Variants in SGCZ observed in about 807,000 individuals in gnomAD.
SGCZ encodes zeta-sarcoglycan.
SGCZ carries 40 observed loss-of-function variants against 41.3 expected under a neutral mutation model. The observed-to-expected ratio is 0.97, with a 90% CI of 0.75 to 1.26. The LOEUF (loss-of-function observed/expected upper bound fraction) is 1.26. Among genes scored for constraint, SGCZ ranks in the 50% most tolerant of loss-of-function variants. The probability of loss-of-function intolerance (pLI) is 0.00; values close to 1 mark genes in which losing one functional copy is unlikely to be tolerated. For missense variants in SGCZ, 552 were observed against 369.8 expected (o/e 1.49, Z -4.04); for synonymous variants, 206 against 137.5 (o/e 1.50, Z -3.49).
intron 2 of SGCZ, among the ~76,000 whole-genome samples, chr8:14,340,609 C>T (rs1213477568): frequency 6.6e-6 from 1 of 151,970 alleles, no homozygotes; most frequent in African/African-American, 2.4e-5. Context: ...CAAACGTTCA[C>T]TGAGGTTGAA....
At chr8:14,093,742 T>C (rs892246063) in intron 7 of SGCZ, among the ~76,000 whole-genome samples, 1 of 152,090 alleles carries the variant, frequency 6.6e-6, no homozygotes, top group Non-Finnish European at 1.5e-5. Context: ...TTAGGTCAAT[T>C]TGGATGCAAA....
chr8:14,430,390 C>A (rs568665334), intron 2 of SGCZ, among the ~76,000 whole-genome samples: 2 of 152,118 alleles, frequency 1.3e-5, no homozygotes, highest in African/African-American at 4.8e-5. Context: ...AATGGTTTAA[C>A]ATATACAAGT....
At chr8:15,162,303 C>T (rs550776250) in intron 1 of SGCZ, among the ~76,000 whole-genome samples, 3 of 152,180 alleles carry the variant, frequency 2.0e-5, no homozygotes, top group South Asian at 2.1e-4. Context: ...TTTTAAAAAA[C>T]GGCCAAAAGT....
At chr8:14,133,054 C>T (rs1396687260) in intron 5 of SGCZ, among the ~76,000 whole-genome samples, 2 of 152,086 alleles carry the variant, frequency 1.3e-5, no homozygotes, top group Non-Finnish European at 2.9e-5. Flanking sequence ...AAAAAAACCA[C>T]GTTTCTCAGT....
chr8:15,212,076 A>G (rs1801253430), intron 1 of SGCZ, among the ~76,000 whole-genome samples: 2 of 152,114 alleles, frequency 1.3e-5, no homozygotes, highest in African/African-American at 2.4e-5. Flanking sequence ...AGATGCAAAA[A>G]TCTTTAAAGT....
intron 2 of SGCZ, among the ~76,000 whole-genome samples, chr8:14,504,830 A>G (rs746689180): frequency 2.6e-5 from 4 of 152,174 alleles, no homozygotes; most frequent in Admixed American, 6.6e-5. Context: ...GCTGTCTTCA[A>G]TTGAACCATT....
chr8:15,124,840 A>G (rs999386952), intron 1 of SGCZ, among the ~76,000 whole-genome samples: 1 of 152,236 alleles, frequency 6.6e-6, no homozygotes, highest in East Asian at 1.9e-4. Context: ...TCTTTAAAAA[A>G]TCAGGGAGGA....
At chr8:14,433,134 G>C (rs868260397) in intron 2 of SGCZ, among the ~76,000 whole-genome samples, 1 of 152,098 alleles carries the variant, frequency 6.6e-6, no homozygotes, top group Non-Finnish European at 1.5e-5. Context: ...TAAAATTGCA[G>C]TTATTCTTAT....
chr8:14,787,522 G>GA (rs1800805492), intron 1 of SGCZ, among the ~76,000 whole-genome samples: 1 of 152,106 alleles, frequency 6.6e-6, no homozygotes. Context: ...TTTAAAAACA[G>GA]TAGTAACTGA....
intron 1 of SGCZ, among the ~76,000 whole-genome samples, chr8:14,762,710 G>C (rs1280213618): frequency 2.0e-5 from 3 of 152,094 alleles, no homozygotes; most frequent in South Asian, 2.1e-4. Flanking sequence ...GTCTTCTACA[G>C]TGTATATGTT....
intron 1 of SGCZ, among the ~76,000 whole-genome samples, chr8:14,604,485 C>T (rs751599842): frequency 1.3e-5 from 2 of 152,030 alleles, no homozygotes; most frequent in Non-Finnish European, 2.9e-5. Flanking sequence ...GAGACATAGG[C>T]ATACTCTTGG....
chr8:14,963,741 G>T (rs1801041242), intron 1 of SGCZ, among the ~76,000 whole-genome samples: 1 of 152,142 alleles, frequency 6.6e-6, no homozygotes, highest in Non-Finnish European at 1.5e-5. Context: ...AAAATGTATG[G>T]AGAACACTTT....
chr8:15,136,007 T>A (rs1159745663), intron 1 of SGCZ, among the ~76,000 whole-genome samples: 1 of 152,138 alleles, frequency 6.6e-6, no homozygotes, highest in Non-Finnish European at 1.5e-5. Context: ...GGTTATCGGG[T>A]CATTGCCATG....
At chr8:14,204,457 C>T (rs1452093276) in intron 4 of SGCZ, among the ~76,000 whole-genome samples, 1 of 152,064 alleles carries the variant, frequency 6.6e-6, no homozygotes, top group African/African-American at 2.4e-5. Context: ...TCTTCCAAAA[C>T]CATTGTTGAC....
intron 1 of SGCZ, among the ~76,000 whole-genome samples, chr8:15,227,201 T>C (rs766395224): frequency 4.6e-5 from 7 of 152,080 alleles, no homozygotes; most frequent in Admixed American, 6.6e-5. Context: ...CTATGGAGTA[T>C]ATGTAAAGAG....
At chr8:14,543,168 T>G (rs996447777) in intron 2 of SGCZ, among the ~76,000 whole-genome samples, 38 of 152,036 alleles carry the variant, frequency 2.5e-4, no homozygotes, top group African/African-American at 9.2e-4. Flanking sequence ...CTAAGTATGA[T>G]TAAAATAAAA....
chr8:14,130,762 G>C (rs1803015819), intron 5 of SGCZ, among the ~76,000 whole-genome samples: 3 of 152,152 alleles, frequency 2.0e-5, no homozygotes, highest in Non-Finnish European at 4.4e-5. Context: ...CAGCAGCTGT[G>C]CCAATAGAAA....
At position 14,202,564 on chromosome 8, in the gene SGCZ, G is replaced by C. The variant is rs145254454; in HGVS notation, c.424+35028C>G. On this transcript the variant is annotated intron_variant, in intron 4 of 7. Coordinates refer to ENST00000382080, the MANE Select transcript of SGCZ (RefSeq NM_139167.4). The stretch of plus-strand genomic sequence containing the variant: ...TAATACCCTACATTGACAAAAGGCA[G>C]ATCAATGCAGTAAGTTTTATTCTAA... Among the ~76,000 whole-genome samples the C allele has an allele frequency of 9.9e-3, 1,502 of 152,134 alleles. 22 individuals carry two copies. Among genetic ancestry groups the C allele is most frequent in the African/African-American group, 0.033 (1,381 of 41,492 alleles).
intron 3 of SGCZ, among the ~76,000 whole-genome samples, chr8:14,273,136 G>A (rs1450137714): frequency 1.3e-5 from 2 of 151,628 alleles, no homozygotes; most frequent in Non-Finnish European, 2.9e-5. Context: ...TTTCCTCAGT[G>A]GCAATAATTC....
Sources: allele counts gnomAD v4.1 joint callset (sites outside exome capture counted in the v4.1 genomes callset), GRCh38; gene constraint gnomAD v4.1.1; transcripts MANE v1.5; gene names NCBI Gene and HGNC (gene_info 2026-07-23, HGNC 2026-07-21).